Variants in TFPI observed in about 807,000 individuals in gnomAD.
TFPI encodes anti-convertin.
Under a neutral mutation model 34.6 loss-of-function variants are expected in TFPI, and 15 were observed. That is an observed-to-expected ratio of 0.43 (90% CI 0.29 to 0.67). TFPI has a LOEUF of 0.67. Among genes scored for constraint, TFPI ranks in the 30% least tolerant of loss-of-function variants. TFPI has a pLI of 0.15. For synonymous variants in TFPI, 105 were observed against 120.1 expected (o/e 0.87, Z 0.82); for missense variants, 301 against 364.0 (o/e 0.83, Z 1.41).
rs147868929 is a variant in TFPI at position 187,475,988 on chromosome 2, A to G, written c.629-8056T>C. On this transcript the variant is annotated intron_variant, in intron 6 of 7. Transcript: ENST00000233156. ...AAGTTTGAACAGGAGAAAGAGTTCT[A>G]ATCAAAATATGTCATCATACAAGGA... Among the ~76,000 whole-genome samples, 832 of 152,294 alleles carry G rather than the reference A, an allele frequency of 5.5e-3. 7 individuals are homozygous for G. Among genetic ancestry groups the G allele is most frequent in the Non-Finnish European group, 0.01 (684 of 68,010 alleles).
chr2:187,478,980 G>A (rs8176531), intron 6 of TFPI, among the ~76,000 whole-genome samples: 21,727 of 152,004 alleles, frequency 0.14, 2,175 homozygotes, highest in East Asian at 0.36. Context: ...AATAGTACAA[G>A]TATTGAAGGA....
At chr2:187,546,546 A>G (rs58172383) in intron 1 of TFPI, among the ~76,000 whole-genome samples, 5,890 of 152,206 alleles carry the variant, frequency 0.039, 140 homozygotes, top group Admixed American at 0.089. Flanking sequence ...ATGGAATAAA[A>G]AACGAATGCA....
chr2:187,471,286 T>C (rs1431506906), intron 6 of TFPI, among the ~76,000 whole-genome samples: 2 of 152,146 alleles, frequency 1.3e-5, no homozygotes, highest in African/African-American at 4.8e-5. Flanking sequence ...ATTAAAGTAA[T>C]GAAGCAAATG....
At chr2:187,482,648 A>G (rs1461293087) in intron 6 of TFPI, among the ~76,000 whole-genome samples, 1 of 151,944 alleles carries the variant, frequency 6.6e-6, no homozygotes, top group African/African-American at 2.4e-5. Flanking sequence ...AATGCCTACA[A>G]TTTAGGGAAT....
chr2:187,510,494 AGAG>A (rs1201193459), intron 1 of TFPI, among the ~76,000 whole-genome samples: 10 of 152,216 alleles, frequency 6.6e-5, no homozygotes, highest in Non-Finnish European at 1.2e-4. Context: ...TTCTACTAAG[AGAG>A]GAGACCACCC....
chr2:187,543,387 C>T (rs1688683288), intron 1 of TFPI, among the ~76,000 whole-genome samples: 1 of 152,064 alleles, frequency 6.6e-6, no homozygotes, highest in Admixed American at 6.6e-5. Flanking sequence ...CCACATGATA[C>T]GAATTTGAAA....
intron 6 of TFPI, among the ~76,000 whole-genome samples, chr2:187,469,025 T>C (rs1691879205): frequency 6.6e-6 from 1 of 151,952 alleles, no homozygotes; most frequent in Non-Finnish European, 1.5e-5. Flanking sequence ...AGCAGTCTTT[T>C]GGCAAATAAA....
chr2:187,498,796 A>G (rs1685654757), intron 2 of TFPI, among the ~76,000 whole-genome samples: 2 of 151,960 alleles, frequency 1.3e-5, no homozygotes, highest in Admixed American at 1.3e-4. Flanking sequence ...ATAACATATG[A>G]CAGAGAATTA....
chr2:187,471,684 A>T (rs1692043236), intron 6 of TFPI, among the ~76,000 whole-genome samples: 1 of 151,612 alleles, frequency 6.6e-6, no homozygotes, highest in Admixed American at 6.6e-5. Flanking sequence ...AGGAACTATC[A>T]TGATCTAGTG....
chr2:187,469,477 T>G (rs1254969799), intron 6 of TFPI, among the ~76,000 whole-genome samples: 2 of 152,182 alleles, frequency 1.3e-5, no homozygotes, highest in East Asian at 3.9e-4. Flanking sequence ...ATTTTTAAAA[T>G]AATTTTTATT....
At chr2:187,478,707 A>G in intron 6 of TFPI, 1 of 1,613,668 alleles carries the variant, frequency 6.2e-7, no homozygotes, top group Non-Finnish European at 8.5e-7. Flanking sequence ...ATCCAATCCT[A>G]GAAAGAACAT....
chr2:187,539,016 T>C (rs1336519544), intron 1 of TFPI, among the ~76,000 whole-genome samples: 2 of 152,178 alleles, frequency 1.3e-5, no homozygotes, highest in African/African-American at 4.8e-5. Flanking sequence ...TTCAGAGATA[T>C]AATATCAACA....
chr2:187,469,783 G>A (rs1163177729), intron 6 of TFPI, among the ~76,000 whole-genome samples: 1 of 152,132 alleles, frequency 6.6e-6, no homozygotes. Context: ...GTGAGAATGT[G>A]TGCTAGACAT....
At chr2:187,539,411 A>G (rs1688449928) in intron 1 of TFPI, among the ~76,000 whole-genome samples, 1 of 152,230 alleles carries the variant, frequency 6.6e-6, no homozygotes, top group South Asian at 2.1e-4. Flanking sequence ...TAGGAAAGGC[A>G]TAAAAAAAGA....
At chr2:187,485,911 C>T (rs2106020864) in intron 4 of TFPI, among the ~76,000 whole-genome samples, 1 of 151,628 alleles carries the variant, frequency 6.6e-6, no homozygotes, top group East Asian at 1.9e-4. Flanking sequence ...CTTTTTTCAT[C>T]TTAAAGCAAC....
At chr2:187,496,354 T>G (rs1226889126) in intron 3 of TFPI, among the ~76,000 whole-genome samples, 1 of 152,150 alleles carries the variant, frequency 6.6e-6, no homozygotes, top group African/African-American at 2.4e-5. Context: ...ATGAGACCAT[T>G]GTGTTGACAA....
At chr2:187,536,524 A>C (rs1385634021) in intron 1 of TFPI, among the ~76,000 whole-genome samples, 7 of 152,230 alleles carry the variant, frequency 4.6e-5, no homozygotes, top group Non-Finnish European at 7.3e-5. Flanking sequence ...GCCTTTGATA[A>C]AATTCAGCAT....
In TFPI at chr2:187,467,813, A is replaced by T; in HGVS notation, c.748T>A (p.Cys250Ser). Residue 250 changes from cysteine (C) to serine (S), a missense_variant, in exon 7 of 8, where the codon TGT (cysteine) becomes AGT (serine). By Grantham distance (112) the Cys-to-Ser change is moderately radical. Transcript: ENST00000233156. ...GKCRPFKYSG[C>S]GGNENNFTSK... ...GTAAAATTGTTTTCATTTCCCCCAC[A>T]TCCACTGTACTTAAATGGGCGGCAT... The T allele has an allele frequency of 1.9e-6, 3 of 1,612,226 alleles. No homozygotes were observed. Among genetic ancestry groups the T allele is most frequent in the East Asian group, 2.2e-5 (1 of 44,766 alleles).
Position 187,534,401 on chromosome 2 carries a change from TG to T in TFPI, c.-3+19798del, listed in dbSNP as rs758469613. ...AGAAACTTTACAAGCCAGAAGAGAG[TG>T]GGGGCCAATATTCCACATTCTTAAA... is the stretch of plus-strand genomic sequence containing the variant. On this transcript the variant is annotated intron_variant, in intron 1 of 7. Coordinates refer to ENST00000233156, the MANE Select transcript of TFPI (RefSeq NM_006287.6). Among the ~76,000 whole-genome samples the T allele has an allele frequency of 2.0e-5, 3 of 151,942 alleles. No homozygotes were observed. The East Asian group carries it at 5.8e-4, about 29-fold the overall frequency.
Sources: gnomAD v4.1 joint callset for allele counts (sites outside exome capture counted in the v4.1 genomes callset) on GRCh38, gnomAD v4.1.1 for gene constraint, MANE v1.5 for transcripts, NCBI Gene and HGNC (gene_info 2026-07-23, HGNC 2026-07-21) for gene names.